OPCML: variants seen among roughly 807,000 people sequenced by gnomAD.
The protein encoded by OPCML is opioid binding protein/cell adhesion molecule like.
In OPCML, 13 loss-of-function variants were observed where a neutral mutation model predicts 37.8. The observed-to-expected ratio is 0.34, with a 90% confidence interval of 0.22 to 0.55. OPCML has a LOEUF of 0.55. OPCML is among the 20% of genes least tolerant of loss of function. The probability of loss-of-function intolerance (pLI) is 0.91; values close to 1 mark genes in which losing one functional copy is unlikely to be tolerated. For synonymous variants in OPCML, 176 were observed against 168.8 expected, an observed-to-expected ratio of 1.04 and a Z score of -0.33; for missense variants, 341 against 435.6, an observed-to-expected ratio of 0.78 and a Z score of 1.93.
chr11:132,465,818 ACT>A (rs2096117915), intron 4 of OPCML, among the ~76,000 whole-genome samples: 1 of 152,126 alleles, frequency 6.6e-6, no homozygotes, highest in African/African-American at 2.4e-5. Context: ...TTTATGTTTA[ACT>A]CTTTTTGGAA....
chr11:132,953,943 G>A (rs1009657622), intron 1 of OPCML, among the ~76,000 whole-genome samples: 3 of 152,184 alleles, frequency 2.0e-5, no homozygotes, highest in African/African-American at 4.8e-5. Context: ...GCTCCTTACG[G>A]GGCTGTACCC....
At chr11:133,361,394 G>C (rs968813347) in intron 1 of OPCML, 2 of 152,518 alleles carry the variant, frequency 1.3e-5, no homozygotes, top group Non-Finnish European at 1.5e-5. Flanking sequence ...CAACGTCGGG[G>C]TCACTGTGCC....
At chr11:132,495,120 A>T (rs1287210881) in intron 4 of OPCML, among the ~76,000 whole-genome samples, 1 of 151,504 alleles carries the variant, frequency 6.6e-6, no homozygotes, top group Non-Finnish European at 1.5e-5. Flanking sequence ...TTTTGCACTT[A>T]GATTATTCTA....
At chr11:133,095,277 GTTTTTTTTTT>G (rs60154725) in intron 1 of OPCML, among the ~76,000 whole-genome samples, 21 of 44,240 alleles carry the variant, frequency 4.7e-4, no homozygotes, top group African/African-American at 1.6e-3. Context: ...TAATGTAAAT[GTTTTTTTTTT>G]TTTTTTTTTT....
At chr11:132,715,728 G>C (rs775574042) in intron 2 of OPCML, among the ~76,000 whole-genome samples, 3 of 152,172 alleles carry the variant, frequency 2.0e-5, no homozygotes, top group Non-Finnish European at 2.9e-5. Context: ...TGGACTTATA[G>C]TGCCTGGCAC....
chr11:132,948,452 G>C (rs531747996), intron 1 of OPCML, among the ~76,000 whole-genome samples: 1 of 152,274 alleles, frequency 6.6e-6, no homozygotes, highest in Admixed American at 6.5e-5. Context: ...TCTGTACCTG[G>C]CCCTGGGGTG....
chr11:132,910,254 G>T (rs566510534), intron 2 of OPCML, among the ~76,000 whole-genome samples: 2 of 138,368 alleles, frequency 1.4e-5, no homozygotes, highest in Non-Finnish European at 3.1e-5. Context: ...CAGCAGGGCT[G>T]GGGGTAGGGG....
intron 3 of OPCML, among the ~76,000 whole-genome samples, chr11:132,540,955 T>C (rs1159341427): frequency 2.0e-5 from 3 of 152,052 alleles, no homozygotes; most frequent in Non-Finnish European, 4.4e-5. Flanking sequence ...TTTGTTCCTT[T>C]CCCCCCCGAC....
chr11:133,433,478 C>A (rs1946169094), intron 1 of OPCML, among the ~76,000 whole-genome samples: 2 of 152,142 alleles, frequency 1.3e-5, no homozygotes, highest in Admixed American at 1.3e-4. Context: ...ACGTGATGAG[C>A]TACATGTTTT....
intron 1 of OPCML, among the ~76,000 whole-genome samples, chr11:133,506,028 C>T (rs1226911198): frequency 6.6e-6 from 1 of 152,192 alleles, no homozygotes; most frequent in African/African-American, 2.4e-5. Context: ...TCAACCAACC[C>T]AGCTGGAAGC....
At chr11:132,488,867 T>C (rs527952901) in intron 4 of OPCML, among the ~76,000 whole-genome samples, 6 of 152,324 alleles carry the variant, frequency 3.9e-5, no homozygotes, top group Admixed American at 1.3e-4. Flanking sequence ...CTTTCCATAC[T>C]GATAGAAACA....
chr11:133,102,728 T>C (rs7128745), intron 1 of OPCML, among the ~76,000 whole-genome samples: 4,014 of 152,142 alleles, frequency 0.026, 132 homozygotes, highest in African/African-American at 0.081. Context: ...CCAGCCTGGG[T>C]GATAGAGCAA....
chr11:132,416,575 G>A lies in OPCML; in HGVS notation c.*3618C>T, dbSNP rs1403168452. 6.6e-6 allele frequency: 1 copy of A among 152,160 alleles called. No individual in the cohort carries two copies. The highest frequency in any genetic ancestry group is 2.4e-5 in the African/African-American group (1 of 41,414). 9.4% of individuals were successfully genotyped at this position (152,160 alleles called of 1,614,324 possible). A position where few individuals can be genotyped will look rare whatever the true frequency, so the allele number is the denominator to read the frequency against. Reference sequence around the variant, plus strand: ...CCCAGCCTCAGTTTTGAAGTTGCTAGAGTCCAGGAATAGTCTTCTCACCCA... The same window carrying A: ...CCCAGCCTCAGTTTTGAAGTTGCTAAAGTCCAGGAATAGTCTTCTCACCCA... On this transcript the variant is annotated 3_prime_UTR_variant, in exon 8 of 8. Coordinates refer to ENST00000524381, the MANE Select transcript of OPCML (RefSeq NM_001012393.5).
chr11:132,435,178 G>C (rs1275542995), intron 7 of OPCML: 3 of 1,289,636 alleles, frequency 2.3e-6, no homozygotes, highest in Non-Finnish European at 3.0e-6. Context: ...CTGATGAGGG[G>C]CTTATTTCTA....
chr11:133,358,346 G>C (rs1482791089), intron 1 of OPCML, among the ~76,000 whole-genome samples: 2 of 152,150 alleles, frequency 1.3e-5, no homozygotes, highest in South Asian at 4.1e-4. Context: ...GCTCTGACTA[G>C]ATACTTGATA....
rs1182804084 is a variant in OPCML, at chr11:133,458,386, GTA to G, written c.61+73876_61+73877del. Among the ~76,000 whole-genome samples the G allele has an allele frequency of 1.5e-4, 3 of 20,536 alleles. 1 individual carries two copies. In the Admixed American group the frequency reaches 1.7e-3, roughly 12 times the overall value. The allele number at this position is 20,536 out of a possible 152,430, so 13.5% of individuals were successfully genotyped here. On this transcript the variant is annotated intron_variant, in intron 1 of 7. Coordinates refer to ENST00000524381, the MANE Select transcript of OPCML (RefSeq NM_001012393.5). ...TATATACACATATATACACGTGTGT[GTA>G]TATATATACACATATATACACGTGT...
intron 1 of OPCML, among the ~76,000 whole-genome samples, chr11:133,440,762 T>TTATATATATATATA (rs58808691): frequency 1.0e-4 from 13 of 126,948 alleles, no homozygotes; most frequent in African/African-American, 4.5e-4. Context: ...CCTACAGCAA[T>TTATATATATATATA]TATATATATA....
intron 1 of OPCML, among the ~76,000 whole-genome samples, chr11:133,105,896 C>T (rs1185983597): frequency 6.6e-6 from 1 of 151,910 alleles, no homozygotes; most frequent in East Asian, 1.9e-4. Flanking sequence ...GCAGGAGAAT[C>T]GCTTGAACCC....
At chr11:132,899,988 C>A (rs1193934007) in intron 2 of OPCML, among the ~76,000 whole-genome samples, 1 of 152,044 alleles carries the variant, frequency 6.6e-6, no homozygotes, top group Non-Finnish European at 1.5e-5. Context: ...ATTCCAGGGT[C>A]CCCCATATGT....
Sources: allele counts gnomAD v4.1 joint callset (sites outside exome capture counted in the v4.1 genomes callset), GRCh38; gene constraint gnomAD v4.1.1; transcripts MANE v1.5; gene names NCBI Gene and HGNC (gene_info 2026-07-23, HGNC 2026-07-21).